Variants in CACNA2D3 observed in about 807,000 individuals in gnomAD.
CACNA2D3 encodes voltage-dependent calcium channel subunit alpha-2/delta-3.
In CACNA2D3, 60 loss-of-function variants were observed where a neutral mutation model predicts 160.6. That is an observed-to-expected ratio of 0.37 (90% confidence interval 0.30 to 0.46). The LOEUF (loss-of-function observed/expected upper bound fraction) is 0.46. Ranked by LOEUF, CACNA2D3 falls within the 20% of genes least tolerant of loss-of-function variation. The probability of loss-of-function intolerance (pLI) is 1.00; values close to 1 mark genes in which losing one functional copy is unlikely to be tolerated. For missense variants in CACNA2D3, 1,205 were observed against 1,365.0 expected, an observed-to-expected ratio of 0.88 and a Z score of 1.85; for synonymous variants, 558 against 492.9, an observed-to-expected ratio of 1.13 and a Z score of -1.75.
intron 2 of CACNA2D3, among the ~76,000 whole-genome samples, chr3:54,184,177 A>G (rs1317685380): frequency 6.6e-6 from 1 of 152,200 alleles, no homozygotes; most frequent in African/African-American, 2.4e-5. Flanking sequence ...GTGATCAGAG[A>G]TTCAGGCTGA....
chr3:54,544,409 T>A (rs80268466), intron 5 of CACNA2D3, among the ~76,000 whole-genome samples: 9,656 of 151,096 alleles, frequency 0.064, 376 homozygotes, highest in Middle Eastern at 0.088. Flanking sequence ...TTTTTTTTTT[T>A]AATGTTTTTA....
At chr3:54,683,069 C>G (rs2106917599) in intron 11 of CACNA2D3, among the ~76,000 whole-genome samples, 1 of 152,176 alleles carries the variant, frequency 6.6e-6, no homozygotes, top group African/African-American at 2.4e-5. Flanking sequence ...ATCCTCTTCC[C>G]CTTCATTCAC....
At chr3:54,688,946 C>T (rs941938356) in intron 11 of CACNA2D3, among the ~76,000 whole-genome samples, 18 of 122,446 alleles carry the variant, frequency 1.5e-4, no homozygotes, top group African/African-American at 3.7e-4. Flanking sequence ...TGCACCATTG[C>T]GCTCCAGCCT....
chr3:54,291,801 AG>A (rs950558873), intron 2 of CACNA2D3, among the ~76,000 whole-genome samples: 2 of 152,158 alleles, frequency 1.3e-5, no homozygotes, highest in Non-Finnish European at 2.9e-5. Flanking sequence ...AGTGTAGTCT[AG>A]GGAAGGAACA....
chr3:54,976,519 C>T (rs1702395697), intron 29 of CACNA2D3, among the ~76,000 whole-genome samples: 1 of 151,222 alleles, frequency 6.6e-6, no homozygotes, highest in African/African-American at 2.4e-5. Flanking sequence ...TCAGTTTTCT[C>T]TTCTTTCCAA....
intron 13 of CACNA2D3, among the ~76,000 whole-genome samples, chr3:54,765,784 T>C (rs2107102126): frequency 6.6e-6 from 1 of 152,290 alleles, no homozygotes; most frequent in East Asian, 1.9e-4. Flanking sequence ...GACAGACAGA[T>C]CAGTAGAGTA....
At chr3:54,706,991 T>G (rs761039190) in intron 11 of CACNA2D3, among the ~76,000 whole-genome samples, 27 of 152,242 alleles carry the variant, frequency 1.8e-4, no homozygotes, top group Non-Finnish European at 3.5e-4. Flanking sequence ...TGGGATTTCA[T>G]GCTCTGCTGC....
chr3:55,000,606 T>G (rs1439325000), intron 31 of CACNA2D3, among the ~76,000 whole-genome samples: 4 of 152,186 alleles, frequency 2.6e-5, no homozygotes, highest in African/African-American at 9.6e-5. Flanking sequence ...AACCTTGGCC[T>G]GGGGGCTGCC....
chr3:54,756,279 T>C (rs1351279877), intron 12 of CACNA2D3, among the ~76,000 whole-genome samples: 3 of 152,176 alleles, frequency 2.0e-5, no homozygotes, highest in East Asian at 3.9e-4. Flanking sequence ...GTAAAGAGCC[T>C]TGGGAATGTC....
chr3:54,637,936 T>G (rs538349512), intron 10 of CACNA2D3: 2 of 152,078 alleles, frequency 1.3e-5, no homozygotes, highest in African/African-American at 4.8e-5. Flanking sequence ...ATTTCCGGCA[T>G]GTGTAGCAAG....
chr3:54,706,286 T>C (rs1192375957), intron 11 of CACNA2D3, among the ~76,000 whole-genome samples: 1 of 152,198 alleles, frequency 6.6e-6, no homozygotes, highest in East Asian at 1.9e-4. Context: ...AACATTTCAA[T>C]AGAAGGTTAG....
chr3:54,314,670 A>AT (rs1703823261), intron 2 of CACNA2D3, among the ~76,000 whole-genome samples: 2 of 152,106 alleles, frequency 1.3e-5, no homozygotes, highest in African/African-American at 2.4e-5. Flanking sequence ...GATGTTGAGC[A>AT]TTTTTTCATA....
intron 2 of CACNA2D3, among the ~76,000 whole-genome samples, chr3:54,164,355 C>A (rs59072955): frequency 0.26 from 39,234 of 152,076 alleles, 5,169 homozygotes; most frequent in East Asian, 0.35. Flanking sequence ...CCTCTGCTGC[C>A]GCAGGATGGG....
At chr3:54,947,638 G>A (rs1212494077) in intron 27 of CACNA2D3, among the ~76,000 whole-genome samples, 1 of 152,090 alleles carries the variant, frequency 6.6e-6, no homozygotes, top group African/African-American at 2.4e-5. Context: ...AGACTTAGTA[G>A]CAGGCAAAGG....
intron 11 of CACNA2D3, among the ~76,000 whole-genome samples, chr3:54,736,018 C>A (rs2360028): frequency 1.2e-5 from 1 of 80,916 alleles, no homozygotes; most frequent in African/African-American, 5.6e-5. Flanking sequence ...TATATATATA[C>A]ACATACATAT....
At chr3:54,727,678 G>T (rs551320929) in intron 11 of CACNA2D3, among the ~76,000 whole-genome samples, 2 of 152,310 alleles carry the variant, frequency 1.3e-5, no homozygotes, top group South Asian at 4.1e-4. Flanking sequence ...AACACTGCAT[G>T]TTCTCACTCA....
At chr3:54,421,003 C>T (rs1699828521) in intron 4 of CACNA2D3, among the ~76,000 whole-genome samples, 1 of 152,188 alleles carries the variant, frequency 6.6e-6, no homozygotes, top group African/African-American at 2.4e-5. Flanking sequence ...TTTTCTTCCT[C>T]TATTGGGTTA....
intron 9 of CACNA2D3, among the ~76,000 whole-genome samples, chr3:54,588,439 A>G (rs1702802317): frequency 6.6e-6 from 1 of 152,196 alleles, no homozygotes; most frequent in Non-Finnish European, 1.5e-5. Context: ...GACATTTGAC[A>G]AAGTGTTAAG....
At chr3:54,976,258 TTG>T (rs1168318271) in intron 29 of CACNA2D3, among the ~76,000 whole-genome samples, 1 of 144,978 alleles carries the variant, frequency 6.9e-6, no homozygotes, top group Non-Finnish European at 1.5e-5. Context: ...CAAGTCTCAC[TTG>T]TGTGTGTGTG....
Sources: allele counts gnomAD v4.1 joint callset (sites outside exome capture counted in the v4.1 genomes callset), GRCh38; gene constraint gnomAD v4.1.1; transcripts MANE v1.5; gene names NCBI Gene and HGNC (gene_info 2026-07-23, HGNC 2026-07-21).